EPHA6: variants seen among roughly 807,000 people sequenced by gnomAD.
EPHA6 encodes the protein ephrin type-A receptor 6.
EPHA6 carries 50 observed loss-of-function variants against 112.0 expected under a neutral mutation model. The ratio of observed to expected loss-of-function variants is 0.45; its 90% CI spans 0.36 to 0.56. EPHA6 has a LOEUF of 0.56. Among genes scored for constraint, EPHA6 ranks in the 20% least tolerant of loss-of-function variants. The probability of loss-of-function intolerance (pLI) is 0.00; values close to 1 mark genes in which losing one functional copy is unlikely to be tolerated. For synonymous variants in EPHA6, 529 were observed against 490.7 expected, an observed-to-expected ratio of 1.08 and a Z score of -1.03; for missense variants, 1,280 against 1,417.4, an observed-to-expected ratio of 0.90 and a Z score of 1.56.
chr3:97,622,029 A>T (rs2093818031), intron 13 of EPHA6, among the ~76,000 whole-genome samples: 1 of 151,784 alleles, frequency 6.6e-6, no homozygotes, highest in African/African-American at 2.4e-5. Flanking sequence ...AAAATCAAGG[A>T]TTTCTTTTCA....
intron 6 of EPHA6, among the ~76,000 whole-genome samples, chr3:97,444,726 C>T (rs2090268635): frequency 6.6e-6 from 1 of 152,058 alleles, no homozygotes; most frequent in South Asian, 2.1e-4. Flanking sequence ...AAAGATATAG[C>T]CATAGGGTCT....
chr3:96,829,142 C>A (rs1355582749), intron 1 of EPHA6, among the ~76,000 whole-genome samples: 1 of 152,024 alleles, frequency 6.6e-6, no homozygotes, highest in African/African-American at 2.4e-5. Flanking sequence ...TTATCTTAGA[C>A]TGATAAAGAT....
At chr3:97,166,424 G>T (rs1229241118) in intron 3 of EPHA6, among the ~76,000 whole-genome samples, 1 of 151,796 alleles carries the variant, frequency 6.6e-6, no homozygotes, top group Non-Finnish European at 1.5e-5. Context: ...GTTGGGGGGT[G>T]GGGAGACCCT....
At chr3:97,691,381 C>T (rs1437533496) in intron 14 of EPHA6, among the ~76,000 whole-genome samples, 1 of 152,186 alleles carries the variant, frequency 6.6e-6, no homozygotes, top group East Asian at 1.9e-4. Flanking sequence ...TATGAGCTCA[C>T]TAGCTTTATT....
chr3:97,342,342 C>G (rs1441322025), intron 5 of EPHA6, among the ~76,000 whole-genome samples: 1 of 152,174 alleles, frequency 6.6e-6, no homozygotes, highest in Non-Finnish European at 1.5e-5. Flanking sequence ...TAATCACTAT[C>G]ATAGTAAAGA....
Position 97,512,152 on chromosome 3 carries a change from T to C in EPHA6, c.2201-20206T>C, listed in dbSNP as rs564864451. Among the ~76,000 whole-genome samples the C allele has an allele frequency of 4.4e-4, 67 of 152,320 alleles. No homozygotes were observed. The South Asian group carries it at 0.014, about 32-fold the overall frequency. On this transcript the variant is annotated intron_variant, in intron 10 of 17. Transcript: ENST00000389672. Reference sequence around the variant, plus strand: ...AGCTTTAACATCAAAACAAACTTTTTCATATTTATTTTTCTAGTAGGACAT... The same window carrying C: ...AGCTTTAACATCAAAACAAACTTTTCCATATTTATTTTTCTAGTAGGACAT...
chr3:97,006,568 G>A (rs765400274), intron 3 of EPHA6, among the ~76,000 whole-genome samples: 9 of 151,304 alleles, frequency 5.9e-5, no homozygotes, highest in African/African-American at 1.2e-4. Flanking sequence ...TCCTGGATTC[G>A]TTGATTTTTT....
At chr3:96,971,307 C>G (rs2042309601) in intron 2 of EPHA6, among the ~76,000 whole-genome samples, 1 of 152,056 alleles carries the variant, frequency 6.6e-6, no homozygotes, top group African/African-American at 2.4e-5. Context: ...TAATTAGACT[C>G]AGCAGTTGTC....
chr3:96,957,925 C>A (rs187920726), intron 2 of EPHA6, among the ~76,000 whole-genome samples: 5 of 152,096 alleles, frequency 3.3e-5, no homozygotes, highest in African/African-American at 1.2e-4. Flanking sequence ...GACCAAAAGA[C>A]GTAGAGAAAA....
chr3:96,890,877 G>A (rs1266782286), intron 2 of EPHA6, among the ~76,000 whole-genome samples: 4 of 152,198 alleles, frequency 2.6e-5, no homozygotes, highest in African/African-American at 7.2e-5. Context: ...CTTGAGGTCA[G>A]GAGTGCAAGG....
intron 2 of EPHA6, among the ~76,000 whole-genome samples, chr3:96,954,833 C>CCGGACTG (rs1366649289): frequency 1.5e-5 from 2 of 132,300 alleles, no homozygotes; most frequent in African/African-American, 5.9e-5. Context: ...GTCGCCCAGG[C>CCGGACTG]CGGACTGCGG....
chr3:97,262,441 T>C (rs1342661457), intron 5 of EPHA6, among the ~76,000 whole-genome samples: 2 of 152,186 alleles, frequency 1.3e-5, no homozygotes, highest in Admixed American at 6.5e-5. Flanking sequence ...TTAAAAGATA[T>C]ATTTAATCAA....
intron 2 of EPHA6, among the ~76,000 whole-genome samples, chr3:96,895,800 G>C (rs1237293096): frequency 6.6e-6 from 1 of 152,124 alleles, no homozygotes; most frequent in African/African-American, 2.4e-5. Flanking sequence ...GCTCTACTTT[G>C]ATCTGCCATC....
intron 10 of EPHA6, among the ~76,000 whole-genome samples, chr3:97,505,085 T>A (rs2092213614): frequency 6.6e-6 from 1 of 152,198 alleles, no homozygotes; most frequent in South Asian, 2.1e-4. Flanking sequence ...GGCAGTGTCC[T>A]CATAGGTGTG....
chr3:97,501,358 T>G (rs2092113033), intron 10 of EPHA6, among the ~76,000 whole-genome samples: 2 of 151,404 alleles, frequency 1.3e-5, no homozygotes, highest in Non-Finnish European at 1.5e-5. Flanking sequence ...AACTCAAATT[T>G]GCAGAATAAT....
At chr3:97,090,891 C>G (rs2108228764) in intron 3 of EPHA6, among the ~76,000 whole-genome samples, 1 of 152,028 alleles carries the variant, frequency 6.6e-6, no homozygotes, top group East Asian at 1.9e-4. Flanking sequence ...AAAGCATGTA[C>G]CTTTAGAACC....
At chr3:96,926,101 C>T (rs1408493081) in intron 2 of EPHA6, among the ~76,000 whole-genome samples, 1 of 152,134 alleles carries the variant, frequency 6.6e-6, no homozygotes, top group African/African-American at 2.4e-5. Flanking sequence ...AATTGACTCA[C>T]AGTTCCACAT....
chr3:97,583,001 C>A (rs1020261048), intron 11 of EPHA6, among the ~76,000 whole-genome samples: 3 of 150,524 alleles, frequency 2.0e-5, no homozygotes, highest in Non-Finnish European at 2.9e-5. Context: ...GGTCTATAGG[C>A]AGCTTTGGAA....
At chr3:97,355,934 AAG>A (rs2084049994) in intron 5 of EPHA6, among the ~76,000 whole-genome samples, 1 of 152,198 alleles carries the variant, frequency 6.6e-6, no homozygotes, top group Non-Finnish European at 1.5e-5. Context: ...AAAAGAGACA[AAG>A]AAGGTCATTA....
Sources: allele counts gnomAD v4.1 joint callset (sites outside exome capture counted in the v4.1 genomes callset), GRCh38; gene constraint gnomAD v4.1.1; transcripts MANE v1.5; gene names NCBI Gene and HGNC (gene_info 2026-07-23, HGNC 2026-07-21).